ARNT: variants seen among roughly 807,000 people sequenced by gnomAD.
ARNT encodes aryl hydrocarbon receptor nuclear translocator, also known as class E basic helix-loop-helix protein 2.
ARNT carries 30 observed loss-of-function variants against 105.0 expected under a neutral mutation model. That is an observed-to-expected ratio of 0.29 (90% CI 0.21 to 0.39). The LOEUF (loss-of-function observed/expected upper bound fraction) is 0.39. Among genes scored for constraint, ARNT ranks in the 10% least tolerant of loss-of-function variants. ARNT has a pLI of 1.00. For synonymous variants in ARNT, 304 were observed against 344.0 expected, an observed-to-expected ratio of 0.88 and a Z score of 1.29; for missense variants, 748 against 978.7, an observed-to-expected ratio of 0.76 and a Z score of 3.15.
intron 5 of ARNT, chr1:150,842,120 T>C: frequency 1.3e-5 from 3 of 239,216 alleles, no homozygotes; most frequent in Non-Finnish European, 2.0e-5. Flanking sequence ...ACTGGCACGG[T>C]TGCATTCCTT....
At position 150,876,597 on chromosome 1, in the gene ARNT, C is replaced by CT. The variant is rs1201546486; in HGVS notation, c.-31_-30insA. 5.6e-6 allele frequency: 1 copy of CT among 180,060 alleles called. No individual in the cohort carries two copies. Among genetic ancestry groups the CT allele is most frequent in the South Asian group, 1.2e-4 (1 of 8,280 alleles). The allele number at this position is 180,060 out of a possible 1,614,324, so 11.2% of individuals were successfully genotyped here. On this transcript the variant is annotated 5_prime_UTR_variant, in exon 1 of 22. Coordinates refer to ENST00000358595, the MANE Select transcript of ARNT (RefSeq NM_001668.4). The stretch of plus-strand genomic sequence containing the variant: ...GCAGATGCCACCGCCGCCGCGCCAC[C>CT]CCCCCCCCCAGTGGGAGGAGCCGCC...
intron 13 of ARNT, among the ~76,000 whole-genome samples, chr1:150,824,121 G>A (rs587666946): frequency 7.2e-5 from 11 of 152,050 alleles, no homozygotes; most frequent in African/African-American, 1.9e-4. Context: ...GATTACAGGC[G>A]TGAGCCACTG....
chr1:150,833,723 T>C (rs1184338156), intron 8 of ARNT, among the ~76,000 whole-genome samples: 2 of 148,570 alleles, frequency 1.3e-5, no homozygotes, highest in African/African-American at 5.2e-5. Context: ...ACGTACAGTA[T>C]ATAATTTATA....
At chr1:150,841,118 T>A (rs1418295078) in intron 5 of ARNT, among the ~76,000 whole-genome samples, 6 of 151,032 alleles carry the variant, frequency 4.0e-5, no homozygotes, top group Non-Finnish European at 7.4e-5. Flanking sequence ...CCAGTTTTTT[T>A]TTTTTTTATT....
rs185893604 is a variant in ARNT at position 150,875,919 on chromosome 1, G to A, written c.25+624C>T. ...ATTACACAAACCCCTGCCCTCAGCA[G>A]GCAAAGACCTACAGGCCCTCTTAAC... On this transcript the variant is annotated intron_variant, in intron 1 of 21. Coordinates refer to ENST00000358595, the MANE Select transcript of ARNT (RefSeq NM_001668.4). Among the ~76,000 whole-genome samples the A allele has an allele frequency of 7.9e-5, 12 of 152,312 alleles. No homozygotes were observed. The East Asian group carries it at 2.3e-3, about 29-fold the overall frequency.
chr1:150,841,519 T>C (rs1661302150), intron 5 of ARNT, among the ~76,000 whole-genome samples: 1 of 152,042 alleles, frequency 6.6e-6, no homozygotes, highest in Non-Finnish European at 1.5e-5. Context: ...GGCAGCAAAA[T>C]GAGTTTGTGA....
At chr1:150,842,122 G>T in intron 5 of ARNT, 1 of 245,550 alleles carries the variant, frequency 4.1e-6, no homozygotes, top group Non-Finnish European at 6.5e-6. Context: ...TGGCACGGTT[G>T]CATTCCTTCT....
At chr1:150,852,696 G>C in intron 3 of ARNT, 66 bp downstream of exon 3, 1 of 1,455,270 alleles carries the variant, frequency 6.9e-7, no homozygotes, top group Non-Finnish European at 9.6e-7. Flanking sequence ...TTACAAGTCA[G>C]AAGTATAAAG....
In ARNT at chr1:150,852,761, C is replaced by T; in HGVS notation, c.182+1G>A. 4 of 1,612,494 alleles carry T rather than the reference C, an allele frequency of 2.5e-6. No homozygotes were observed. The highest frequency in any genetic ancestry group is 3.4e-6 in the Non-Finnish European group (4 of 1,179,160). On this transcript the variant is annotated splice_donor_variant, in intron 3 of 21. Coordinates refer to ENST00000358595, the MANE Select transcript of ARNT (RefSeq NM_001668.4). LOFTEE classifies it high-confidence loss of function. ...CTAAGGAAAGTTTTTCAGTCTCTTA[C>T]CTCAAAAATTTACTGTTCCCTTCTC...
intron 21 of ARNT, among the ~76,000 whole-genome samples, chr1:150,812,882 A>AG (rs1655016066): frequency 6.6e-6 from 1 of 152,166 alleles, no homozygotes; most frequent in African/African-American, 2.4e-5. Flanking sequence ...TTTGTTTGAC[A>AG]GGGACAGGAT....
intron 1 of ARNT, among the ~76,000 whole-genome samples, chr1:150,860,973 A>G (rs1278719040): frequency 6.6e-6 from 1 of 151,898 alleles, no homozygotes; most frequent in African/African-American, 2.4e-5. Flanking sequence ...TCTACAAAGA[A>G]GATATACTAA....
Position 150,858,436 on chromosome 1 carries a change from A to G in ARNT, c.50T>C (p.Leu17Pro). 1 of 1,608,504 alleles carries G rather than the reference A, an allele frequency of 6.2e-7. No individual in the cohort carries two copies. The highest frequency in any genetic ancestry group is 2.2e-5 in the East Asian group (1 of 44,854). Residue 17 changes from leucine (L) to proline (P), a missense_variant, in exon 2 of 22, where the codon CTG (leucine) becomes CCG (proline). Leu to Pro is a moderately conservative substitution (Grantham distance 98). This residue lies in a region of ARNT where 93 missense variants were observed against 101.6 expected (regional missense o/e 0.92). Transcript: ENST00000358595. ...GTTTCCAGAGGCAATGGCTGGACCC[A>G]GTGATGGTACATCTGATGTCATTTC... is the stretch of plus-strand genomic sequence containing the variant. ...NPEMTSDVPS[L>P]GPAIASGNSG...
chr1:150,842,023 T>C (rs770704128), intron 5 of ARNT, among the ~76,000 whole-genome samples: 12 of 152,220 alleles, frequency 7.9e-5, no homozygotes, highest in Non-Finnish European at 1.3e-4. Flanking sequence ...GAGTAAATGC[T>C]GAGGCCTAAA....
intron 1 of ARNT, among the ~76,000 whole-genome samples, chr1:150,867,219 C>CAA (rs201275651): frequency 3.3e-4 from 44 of 134,830 alleles, no homozygotes; most frequent in Admixed American, 1.3e-3. Context: ...AAAACAACAA[C>CAA]AACAAAAAAA....
chr1:150,827,032 T>G (rs1010275014), intron 12 of ARNT, among the ~76,000 whole-genome samples: 2 of 151,462 alleles, frequency 1.3e-5, no homozygotes, highest in Non-Finnish European at 2.9e-5. Flanking sequence ...AATCCTAAGA[T>G]TATAGTTAAG....
intron 14 of ARNT, among the ~76,000 whole-genome samples, chr1:150,820,473 A>G (rs1296356725): frequency 6.6e-6 from 1 of 152,166 alleles, no homozygotes; most frequent in Non-Finnish European, 1.5e-5. Context: ...ACTCTGCAAC[A>G]TGGAAAAATC....
chr1:150,850,997 CCCTCT>C (rs1663314862), intron 3 of ARNT, among the ~76,000 whole-genome samples: 1 of 140,584 alleles, frequency 7.1e-6, no homozygotes, highest in African/African-American at 2.7e-5. Flanking sequence ...ATTGAGGAGC[CCCTCT>C]GCCCGGCAGC....
chr1:150,836,938 C>T (rs754694966), intron 6 of ARNT, among the ~76,000 whole-genome samples: 3 of 152,040 alleles, frequency 2.0e-5, no homozygotes, highest in Non-Finnish European at 4.4e-5. Flanking sequence ...TGGTGGCACA[C>T]GCCTGTAGTC....
chr1:150,829,828 A>G, intron 11 of ARNT, 76 bp downstream of exon 11: 1 of 1,484,194 alleles, frequency 6.7e-7, no homozygotes, highest in Non-Finnish European at 9.3e-7. Context: ...AGAAAGTAAA[A>G]GAAAATTAAC....
Sources: gnomAD v4.1 joint callset for allele counts (sites outside exome capture counted in the v4.1 genomes callset) on GRCh38, gnomAD v4.1.1 for gene constraint, gnomAD v4.1.1 regional missense constraint, MANE v1.5 for transcripts, NCBI Gene and HGNC (gene_info 2026-07-23, HGNC 2026-07-21) for gene names.